The following MAP2 variants were observed in gnomAD, a reference collection of about 807,000 sequenced individuals.
MAP2 encodes the protein microtubule-associated protein 2.
MAP2 carries 14 observed loss-of-function variants against 137.6 expected under a neutral mutation model. The observed-to-expected ratio is 0.10, with a 90% CI of 0.07 to 0.16. MAP2 has a LOEUF of 0.16. MAP2 is among the 10% of genes least tolerant of loss of function. The probability of loss-of-function intolerance (pLI) is 1.00; values close to 1 mark genes in which losing one functional copy is unlikely to be tolerated. For synonymous variants in MAP2, 786 were observed against 782.3 expected, an observed-to-expected ratio of 1.00 and a Z score of -0.08; for missense variants, 2,088 against 2,191.5, an observed-to-expected ratio of 0.95 and a Z score of 0.94.
chr2:209,654,186 GATA>G (rs1222349003), intron 5 of MAP2, among the ~76,000 whole-genome samples: 1 of 152,202 alleles, frequency 6.6e-6, no homozygotes, highest in African/African-American at 2.4e-5. Context: ...GGGGAACAGT[GATA>G]ATATCTGTCA....
At chr2:209,545,426 T>C (rs1382064097) in intron 2 of MAP2, among the ~76,000 whole-genome samples, 1 of 152,242 alleles carries the variant, frequency 6.6e-6, no homozygotes, top group Non-Finnish European at 1.5e-5. Context: ...TTGTTTTATT[T>C]TATTTTCATA....
At position 209,621,151 on chromosome 2, in the gene MAP2, C is replaced by T. The variant is rs144505102; in HGVS notation, c.-106-3902C>T. Among the ~76,000 whole-genome samples the T allele has an allele frequency of 4.3e-3, 640 of 150,478 alleles. 6 individuals are homozygous for T. The highest frequency in any genetic ancestry group is 0.015 in the African/African-American group (602 of 41,092). On this transcript the variant is annotated intron_variant, in intron 3 of 15. Coordinates refer to ENST00000682079, the MANE Select transcript of MAP2 (RefSeq NM_001375505.1). ...CGGAGGTTGCAGTGAGCCGAGATCA[C>T]GCCATTGCACTCTAGCCTGGCAGCC... is the stretch of plus-strand genomic sequence containing the variant.
intron 4 of MAP2, among the ~76,000 whole-genome samples, chr2:209,648,229 G>A (rs2094534672): frequency 6.6e-6 from 1 of 151,602 alleles, no homozygotes; most frequent in African/African-American, 2.4e-5. Context: ...AGCCTCCCAA[G>A]TAGCTGGAAC....
At chr2:209,525,428 G>T (rs1221901071) in intron 2 of MAP2, among the ~76,000 whole-genome samples, 1 of 152,096 alleles carries the variant, frequency 6.6e-6, no homozygotes, top group Non-Finnish European at 1.5e-5. Context: ...ACCCAAAGGA[G>T]CAATTTTCAT....
rs534519000 is a variant in MAP2, at chr2:209,690,494, G to T, written c.455-2131G>T. 1.5e-3 allele frequency: 1,175 copies of T among 784,604 alleles called. 2 individuals are homozygous for T. The highest frequency in any genetic ancestry group is 1.9e-3 in the Non-Finnish European group (1,071 of 575,364). 48.6% of individuals were successfully genotyped at this position (784,604 alleles called of 1,614,324 possible). ...ATGGTAAAATAAAAAAACAGCTGAG[G>T]TCTTCATGAGGTCATTCTAATGGAG... On this transcript the variant is annotated intron_variant, in intron 7 of 15. Transcript: ENST00000682079.
At chr2:209,581,875 G>A (rs543377989) in intron 3 of MAP2, among the ~76,000 whole-genome samples, 118 of 152,200 alleles carry the variant, frequency 7.8e-4, no homozygotes, top group African/African-American at 2.7e-3. Flanking sequence ...AAATTTTGGA[G>A]GACCAGTTAA....
intron 7 of MAP2, 98 bp from the exon 8 acceptor site, chr2:209,692,527 A>T: frequency 7.2e-7 from 1 of 1,380,952 alleles, no homozygotes; most frequent in African/African-American, 1.5e-5. Context: ...TTTTGTTTTT[A>T]TTCTACCATT....
At chr2:209,553,991 A>T (rs577303853) in intron 2 of MAP2, among the ~76,000 whole-genome samples, 1 of 152,242 alleles carries the variant, frequency 6.6e-6, no homozygotes, top group East Asian at 1.9e-4. Flanking sequence ...CTCACAACTG[A>T]CTCGAGAGTG....
At chr2:209,503,694 G>A (rs577031325) in intron 1 of MAP2, among the ~76,000 whole-genome samples, 3 of 152,024 alleles carry the variant, frequency 2.0e-5, no homozygotes, top group African/African-American at 7.3e-5. Context: ...GTAAGACAAG[G>A]ATGGGATTTT....
intron 1 of MAP2, among the ~76,000 whole-genome samples, chr2:209,427,107 T>A (rs1036756195): frequency 3.3e-5 from 5 of 152,214 alleles, no homozygotes; most frequent in Non-Finnish European, 7.3e-5. Context: ...CTTTTGAGAC[T>A]GACCATATGA....
intron 2 of MAP2, among the ~76,000 whole-genome samples, chr2:209,555,845 G>C (rs2070436208): frequency 6.6e-6 from 1 of 151,994 alleles, no homozygotes; most frequent in Non-Finnish European, 1.5e-5. Flanking sequence ...ATCCTTCAAG[G>C]ATGAATTACA....
intron 1 of MAP2, among the ~76,000 whole-genome samples, chr2:209,476,555 A>G (rs1275068691): frequency 6.6e-6 from 1 of 152,208 alleles, no homozygotes; most frequent in Non-Finnish European, 1.5e-5. Context: ...AGAAAGCCCA[A>G]TGTAATAAAA....
intron 7 of MAP2, among the ~76,000 whole-genome samples, chr2:209,681,304 A>G (rs1211114734): frequency 6.6e-6 from 1 of 150,918 alleles, no homozygotes; most frequent in Non-Finnish European, 1.5e-5. Flanking sequence ...GGCCTGACTC[A>G]TAGCAAATTT....
intron 2 of MAP2, among the ~76,000 whole-genome samples, chr2:209,557,698 G>T (rs2071013032): frequency 6.6e-6 from 1 of 152,186 alleles, no homozygotes; most frequent in African/African-American, 2.4e-5. Context: ...CTTAGATTAG[G>T]TCCTGTTTTA....
At chr2:209,594,235 TGTTTTA>T (rs1266647899) in intron 3 of MAP2, among the ~76,000 whole-genome samples, 3 of 151,858 alleles carry the variant, frequency 2.0e-5, no homozygotes, top group African/African-American at 7.3e-5. Flanking sequence ...ATCCACCATG[TGTTTTA>T]GTTCTGCCTG....
At chr2:209,638,882 A>G (rs533192223) in intron 4 of MAP2, among the ~76,000 whole-genome samples, 2 of 152,296 alleles carry the variant, frequency 1.3e-5, no homozygotes, top group East Asian at 3.9e-4. Context: ...CTGGTATTCA[A>G]TCAATGATCA....
At chr2:209,508,413 A>G (rs2061334391) in intron 2 of MAP2, among the ~76,000 whole-genome samples, 1 of 152,030 alleles carries the variant, frequency 6.6e-6, no homozygotes, top group South Asian at 2.1e-4. Context: ...TTGGCTTTTC[A>G]TTTGCCCTTA....
intron 2 of MAP2, among the ~76,000 whole-genome samples, chr2:209,579,076 G>C (rs1162067704): frequency 2.6e-5 from 4 of 151,940 alleles, no homozygotes; most frequent in Admixed American, 2.6e-4. Context: ...ATATAAATAA[G>C]CAATATGCGA....
rs954127026 is a variant in MAP2 at position 209,601,940 on chromosome 2, A to G, written c.-107+21840A>G. ...TGACATTTAAGAAAGGAGGCTGTTTACTTGTGTGATATGCATGAACTCTTC... is the reference window on the plus strand; with the variant it reads ...TGACATTTAAGAAAGGAGGCTGTTTGCTTGTGTGATATGCATGAACTCTTC... On this transcript the variant is annotated intron_variant, in intron 3 of 15. Transcript: ENST00000682079. Among the ~76,000 whole-genome samples the G allele has an allele frequency of 6.6e-5, 10 of 152,234 alleles. 1 individual carries two copies. The highest frequency in any genetic ancestry group is 2.4e-4 in the African/African-American group (10 of 41,474).
Sources: allele counts gnomAD v4.1 joint callset (sites outside exome capture counted in the v4.1 genomes callset), GRCh38; gene constraint gnomAD v4.1.1; transcripts MANE v1.5; gene names NCBI Gene and HGNC (gene_info 2026-07-23, HGNC 2026-07-21).